Variants in BNC2 observed in about 807,000 individuals in gnomAD.
The protein encoded by BNC2 is zinc finger protein basonuclin-2.
A neutral mutation model predicts 76.3 loss-of-function variants in BNC2; 20 were observed. The observed-to-expected ratio is 0.26, with a 90% CI of 0.18 to 0.38. The LOEUF is 0.38. Among genes scored for constraint, BNC2 ranks in the 10% least tolerant of loss-of-function variants. The probability of loss-of-function intolerance (pLI) is 1.00; values close to 1 mark genes in which losing one functional copy is unlikely to be tolerated. For synonymous variants in BNC2, 582 were observed against 514.8 expected, an observed-to-expected ratio of 1.13 and a Z score of -1.77; for missense variants, 1,382 against 1,399.8, an observed-to-expected ratio of 0.99 and a Z score of 0.20.
intron 3 of BNC2, among the ~76,000 whole-genome samples, chr9:16,663,447 T>C (rs1351574783): frequency 1.3e-5 from 2 of 152,092 alleles, no homozygotes; most frequent in Non-Finnish European, 2.9e-5. Context: ...TTCAAACTAA[T>C]ACAAATATGA....
chr9:16,501,414 A>C (rs1822514868), intron 5 of BNC2, among the ~76,000 whole-genome samples: 1 of 152,200 alleles, frequency 6.6e-6, no homozygotes, highest in African/African-American at 2.4e-5. Flanking sequence ...TAACCTTCTC[A>C]AAGTTTACAA....
In BNC2 at chr9:16,414,413, C is replaced by T. The variant is rs1379613303; in HGVS notation, c.*4576G>A. ...GCTCATCTTACTCATTTAGATCCATCCCCAAAAAATAAACAATGAGAGGGA... is the reference window on the plus strand; with the variant it reads ...GCTCATCTTACTCATTTAGATCCATTCCCAAAAAATAAACAATGAGAGGGA... On this transcript the variant is annotated 3_prime_UTR_variant, in exon 7 of 7. Transcript: ENST00000380672. 1 of 152,108 alleles carries T rather than the reference C, an allele frequency of 6.6e-6. No homozygotes were observed. The highest frequency in any genetic ancestry group is 1.5e-5 in the Non-Finnish European group (1 of 68,024). The allele number at this position is 152,108 out of a possible 1,614,324, so 9.4% of individuals were successfully genotyped here.
At chr9:16,852,061 G>T (rs914305997) in intron 1 of BNC2, among the ~76,000 whole-genome samples, 16 of 152,084 alleles carry the variant, frequency 1.1e-4, no homozygotes, top group Non-Finnish European at 2.1e-4. Context: ...ACTCTCACCC[G>T]CAGTCACACC....
At chr9:16,586,283 TTA>T (rs1004382367) in intron 3 of BNC2, among the ~76,000 whole-genome samples, 2 of 152,076 alleles carry the variant, frequency 1.3e-5, no homozygotes, top group Non-Finnish European at 2.9e-5. Flanking sequence ...ATACATTTTC[TTA>T]AGTCTGCACC....
At chr9:16,574,999 T>C (rs1007649331) in intron 4 of BNC2, among the ~76,000 whole-genome samples, 1 of 152,198 alleles carries the variant, frequency 6.6e-6, no homozygotes, top group Non-Finnish European at 1.5e-5. Flanking sequence ...AGTGTTGAAG[T>C]CTTACTTTTA....
chr9:16,532,801 C>T (rs1444713378), intron 5 of BNC2, among the ~76,000 whole-genome samples: 1 of 152,064 alleles, frequency 6.6e-6, no homozygotes, highest in Non-Finnish European at 1.5e-5. Context: ...GTGGAAATAC[C>T]ATATAATAAT....
chr9:16,808,178 A>G (rs888614070), intron 1 of BNC2, among the ~76,000 whole-genome samples: 2 of 152,210 alleles, frequency 1.3e-5, no homozygotes, highest in African/African-American at 4.8e-5. Context: ...TTCAACCTTA[A>G]AATTTTTTAA....
chr9:16,759,766 C>T (rs1825498451), intron 1 of BNC2, among the ~76,000 whole-genome samples: 2 of 150,440 alleles, frequency 1.3e-5, no homozygotes, highest in African/African-American at 2.4e-5. Flanking sequence ...CTCTGTCGCC[C>T]TGACTAGAGT....
At chr9:16,501,152 T>C (rs1320950986) in intron 5 of BNC2, among the ~76,000 whole-genome samples, 3 of 152,212 alleles carry the variant, frequency 2.0e-5, no homozygotes, top group African/African-American at 4.8e-5. Context: ...TGAGCAAATA[T>C]AAGTAACGCA....
chr9:16,752,532 T>A (rs530416882), intron 1 of BNC2, among the ~76,000 whole-genome samples: 2 of 152,336 alleles, frequency 1.3e-5, no homozygotes, highest in East Asian at 3.9e-4. Context: ...AGAAGTAAAA[T>A]TCTTACGCAG....
At chr9:16,818,353 G>A (rs961220478) in intron 1 of BNC2, among the ~76,000 whole-genome samples, 2 of 152,092 alleles carry the variant, frequency 1.3e-5, no homozygotes, top group Non-Finnish European at 2.9e-5. Context: ...GTAGTGAGCC[G>A]ACATGGCGCC....
intron 5 of BNC2, among the ~76,000 whole-genome samples, chr9:16,538,292 A>T (rs1481312027): frequency 6.6e-6 from 1 of 152,222 alleles, no homozygotes; most frequent in Non-Finnish European, 1.5e-5. Flanking sequence ...CAGATGAACT[A>T]AAATTCTATG....
At chr9:16,742,360 T>C (rs1357218670) in intron 1 of BNC2, among the ~76,000 whole-genome samples, 3 of 152,234 alleles carry the variant, frequency 2.0e-5, no homozygotes, top group East Asian at 3.8e-4. Context: ...TCTCCAGAAC[T>C]GCAATTGTGG....
intron 3 of BNC2, among the ~76,000 whole-genome samples, chr9:16,694,777 T>C (rs1823286182): frequency 6.6e-6 from 1 of 152,184 alleles, no homozygotes; most frequent in Non-Finnish European, 1.5e-5. Context: ...TCATACTGTA[T>C]ACTACACAAT....
intron 1 of BNC2, among the ~76,000 whole-genome samples, chr9:16,761,459 C>G (rs1344213469): frequency 6.6e-6 from 1 of 152,164 alleles, no homozygotes; most frequent in East Asian, 1.9e-4. Context: ...TGTATTCTTC[C>G]TCTTCAAGAA....
intron 3 of BNC2, among the ~76,000 whole-genome samples, chr9:16,624,028 C>T (rs1004273908): frequency 5.9e-5 from 9 of 152,112 alleles, no homozygotes; most frequent in Non-Finnish European, 1.2e-4. Flanking sequence ...TTAAGATATA[C>T]CAAATGTATT....
At chr9:16,705,384 A>C (rs532231686) in intron 3 of BNC2, among the ~76,000 whole-genome samples, 1 of 152,150 alleles carries the variant, frequency 6.6e-6, no homozygotes, top group African/African-American at 2.4e-5. Flanking sequence ...CACTGAGCAC[A>C]GAGGGGCCAC....
In BNC2 at chr9:16,418,594, A is replaced by G. The variant is rs1173752787; in HGVS notation, c.*395T>C. On this transcript the variant is annotated 3_prime_UTR_variant, in exon 7 of 7. Coordinates refer to ENST00000380672, the MANE Select transcript of BNC2 (RefSeq NM_017637.6). ...CCTTTTATTTTTGCAGGCAACAGTC[A>G]TGGGTACAACAAATTGTCTCTTTGG... 1 of 168,872 alleles carries G rather than the reference A, an allele frequency of 5.9e-6. No individual in the cohort carries two copies. The highest frequency in any genetic ancestry group is 1.3e-5 in the Non-Finnish European group (1 of 79,698). 10.5% of individuals were successfully genotyped at this position (168,872 alleles called of 1,614,324 possible).
intron 1 of BNC2, among the ~76,000 whole-genome samples, chr9:16,788,142 A>T (rs1826348180): frequency 6.6e-6 from 1 of 152,192 alleles, no homozygotes; most frequent in Non-Finnish European, 1.5e-5. Flanking sequence ...GAACTCTCTG[A>T]CTTCCAGTTC....
Sources: gnomAD v4.1 joint callset for allele counts (sites outside exome capture counted in the v4.1 genomes callset) on GRCh38, gnomAD v4.1.1 for gene constraint, MANE v1.5 for transcripts, NCBI Gene and HGNC (gene_info 2026-07-23, HGNC 2026-07-21) for gene names.